FAR2: variants seen among roughly 807,000 people sequenced by gnomAD.
The protein encoded by FAR2 is fatty acyl-CoA reductase 2.
FAR2 carries 19 observed loss-of-function variants against 56.0 expected under a neutral mutation model. That is an observed-to-expected ratio of 0.34 (90% CI 0.24 to 0.50). The LOEUF is 0.50. Ranked by LOEUF, FAR2 falls within the 20% of genes least tolerant of loss-of-function variation. The probability of loss-of-function intolerance (pLI) is 0.98; values close to 1 mark genes in which losing one functional copy is unlikely to be tolerated. For missense variants in FAR2, 508 were observed against 642.2 expected, an observed-to-expected ratio of 0.79 and a Z score of 2.26; for synonymous variants, 219 against 218.8, an observed-to-expected ratio of 1.00 and a Z score of -0.01.
At chr12:29,317,829 C>A (rs1949479125) in intron 9 of FAR2, 1 of 152,508 alleles carries the variant, frequency 6.6e-6, no homozygotes, top group South Asian at 2.1e-4. Context: ...GAAATAGAAG[C>A]TAAGGAAAGA....
intron 10 of FAR2, among the ~76,000 whole-genome samples, chr12:29,329,101 A>G (rs1441959740): frequency 6.6e-6 from 1 of 152,176 alleles, no homozygotes; most frequent in Non-Finnish European, 1.5e-5. Flanking sequence ...TTTATCTGAA[A>G]TCATTGCTCC....
At chr12:29,299,792 C>A (rs1217592051) in intron 4 of FAR2, among the ~76,000 whole-genome samples, 2 of 105,998 alleles carry the variant, frequency 1.9e-5, no homozygotes, top group Admixed American at 1.7e-4. Context: ...CCTGCCTTTG[C>A]ACTCGAAACT....
At chr12:29,309,060 T>C (rs1007772985) in intron 5 of FAR2, 126 bp from the exon 6 acceptor site, 2 of 726,688 alleles carry the variant, frequency 2.8e-6, no homozygotes, top group African/African-American at 3.6e-5. Flanking sequence ...AATACTGAAT[T>C]AGATAGTTCT....
At chr12:29,158,451 T>A (rs1365338564) in intron 1 of FAR2, among the ~76,000 whole-genome samples, 1 of 152,260 alleles carries the variant, frequency 6.6e-6, no homozygotes, top group Non-Finnish European at 1.5e-5. Context: ...AGCAGTTTGC[T>A]TCTTTCTCAG....
chr12:29,228,141 G>GAAAAA (rs58453804), intron 1 of FAR2, among the ~76,000 whole-genome samples: 1 of 138,118 alleles, frequency 7.2e-6, no homozygotes. Flanking sequence ...TAAAAAAAAG[G>GAAAAA]AAAAAAAAAA....
At chr12:29,182,087 T>C (rs921953527) in intron 1 of FAR2, among the ~76,000 whole-genome samples, 1 of 152,216 alleles carries the variant, frequency 6.6e-6, no homozygotes, top group Non-Finnish European at 1.5e-5. Flanking sequence ...CTAACACTAC[T>C]ATTGTGTGCA....
chr12:29,182,480 G>A (rs977510263), intron 1 of FAR2, among the ~76,000 whole-genome samples: 5 of 152,012 alleles, frequency 3.3e-5, no homozygotes, highest in African/African-American at 4.8e-5. Flanking sequence ...TGATTGGTGC[G>A]TTTACAATCC....
At chr12:29,209,270 T>C (rs1947514652) in intron 1 of FAR2, among the ~76,000 whole-genome samples, 1 of 152,184 alleles carries the variant, frequency 6.6e-6, no homozygotes, top group Non-Finnish European at 1.5e-5. Flanking sequence ...TTAGAGATGC[T>C]TTTGATTTTA....
chr12:29,170,410 G>A (rs1245172760), intron 1 of FAR2, among the ~76,000 whole-genome samples: 3 of 152,144 alleles, frequency 2.0e-5, no homozygotes, highest in East Asian at 3.9e-4. Context: ...CAGTGCTTTC[G>A]GGCTATGCCC....
Position 29,178,680 on chromosome 12 carries a change from T to C in FAR2, c.-39+29273T>C, listed in dbSNP as rs192505901. On this transcript the variant is annotated intron_variant, in intron 1 of 11. Transcript: ENST00000536681. ...TGTTTTTCTAATATGGTAAGGCCCA[T>C]GTTCTTTGATATTGCTTCTTGTAGT... 7.9e-5 allele frequency among the ~76,000 whole-genome samples: 12 copies of C among 152,214 alleles called. No homozygotes were observed. The East Asian group carries it at 1.3e-3, about 17-fold the overall frequency.
intron 5 of FAR2, 21 bp from the exon 6 acceptor site, chr12:29,309,165 T>C (rs372703653): frequency 2.2e-4 from 341 of 1,563,526 alleles, no homozygotes; most frequent in Non-Finnish European, 2.8e-4. Flanking sequence ...GTGTAACCAA[T>C]AGAAATCTTC....
intron 1 of FAR2, among the ~76,000 whole-genome samples, chr12:29,188,414 G>C (rs895408142): frequency 2.0e-5 from 3 of 152,074 alleles, no homozygotes; most frequent in African/African-American, 7.2e-5. Flanking sequence ...TGTAAAAGCA[G>C]CCTTTTTTTA....
At chr12:29,291,637 T>A in intron 2 of FAR2, 1 of 340,554 alleles carries the variant, frequency 2.9e-6, no homozygotes. Context: ...CCCAGGAATA[T>A]ACATTTTAAT....
At chr12:29,312,683 AGAGTT>A (rs1320514338) in intron 8 of FAR2, among the ~76,000 whole-genome samples, 1 of 152,206 alleles carries the variant, frequency 6.6e-6, no homozygotes, top group Non-Finnish European at 1.5e-5. Context: ...CCATGGAAAT[AGAGTT>A]GAGTACAACT....
At chr12:29,161,732 A>T (rs1949783866) in intron 1 of FAR2, among the ~76,000 whole-genome samples, 1 of 152,246 alleles carries the variant, frequency 6.6e-6, no homozygotes, top group Non-Finnish European at 1.5e-5. Flanking sequence ...CGTTCAAGTA[A>T]TACTCCCAGC....
At chr12:29,325,385 C>T (rs1949627999) in intron 10 of FAR2, among the ~76,000 whole-genome samples, 1 of 152,198 alleles carries the variant, frequency 6.6e-6, no homozygotes, top group South Asian at 2.1e-4. Context: ...GAACTCAGCT[C>T]TGCACCAAGC....
chr12:29,251,612 T>C (rs182685758), intron 1 of FAR2, among the ~76,000 whole-genome samples: 5 of 152,288 alleles, frequency 3.3e-5, no homozygotes, highest in African/African-American at 9.6e-5. Context: ...AAAGATATCC[T>C]GAGCAACTGG....
chr12:29,159,521 G>GGAA (rs1555177013), intron 1 of FAR2, among the ~76,000 whole-genome samples: 2 of 139,864 alleles, frequency 1.4e-5, no homozygotes, highest in Non-Finnish European at 3.1e-5. Context: ...CTCTGTCTCG[G>GGAA]AAAAAAAAAA....
chr12:29,180,582 T>A (rs1318540696), intron 1 of FAR2, among the ~76,000 whole-genome samples: 3 of 152,168 alleles, frequency 2.0e-5, no homozygotes, highest in Non-Finnish European at 4.4e-5. Context: ...ATTTACATTT[T>A]AACCAGAAAT....
Sources: allele counts gnomAD v4.1 joint callset (sites outside exome capture counted in the v4.1 genomes callset), GRCh38; gene constraint gnomAD v4.1.1; transcripts MANE v1.5; gene names NCBI Gene and HGNC (gene_info 2026-07-23, HGNC 2026-07-21).